Variants in RAPSN observed in about 807,000 individuals in gnomAD.
The protein encoded by RAPSN is 43 kDa receptor-associated protein of the synapse.
Under a neutral mutation model 45.7 loss-of-function variants are expected in RAPSN, and 33 were observed. The observed-to-expected ratio is 0.72, with a 90% CI of 0.55 to 0.97. The LOEUF is 0.97. RAPSN is among the 50% of genes least tolerant of loss of function. RAPSN has a pLI of 0.00. For missense variants in RAPSN, 519 were observed against 559.4 expected, an observed-to-expected ratio of 0.93 and a Z score of 0.73; for synonymous variants, 244 against 233.6, an observed-to-expected ratio of 1.04 and a Z score of -0.40.
Position 47,438,750 on chromosome 11 carries a change from G to T in RAPSN, c.1148C>A (p.Ser383Tyr). Reference protein sequence around the residue: ...KNSRLQALPCSHIFHLRCLQN... With the variant: ...KNSRLQALPCYHIFHLRCLQN... ...CCCCCACCTGAGGTGGAAGATGTGG[G>T]AGCAAGGTAGGGCCTGCAGCCGGCT... Residue 383 changes from serine (S) to tyrosine (Y), a missense_variant, in exon 7 of 8, where the codon TCC (serine) becomes TAC (tyrosine). By Grantham distance (144) the Ser-to-Tyr change is moderately radical. Transcript: ENST00000298854. 6.4e-7 allele frequency: 1 copy of T among 1,563,686 alleles called. No homozygotes were observed. The highest frequency in any genetic ancestry group is 8.7e-7 in the Non-Finnish European group (1 of 1,151,032).
chr11:47,446,191 T>C (rs1379958890), intron 2 of RAPSN, among the ~76,000 whole-genome samples: 1 of 150,632 alleles, frequency 6.6e-6, no homozygotes, highest in Non-Finnish European at 1.5e-5. Flanking sequence ...CCTCTCAAAG[T>C]GCTCAGATTA....
intron 2 of RAPSN, among the ~76,000 whole-genome samples, chr11:47,447,229 C>T (rs990268871): frequency 3.9e-5 from 6 of 152,142 alleles, no homozygotes; most frequent in Non-Finnish European, 8.8e-5. Flanking sequence ...GAAATTATGA[C>T]ACCCCCACGC....
At chr11:47,448,173 G>A in intron 1 of RAPSN, 23 bp from the exon 2 acceptor site, 1 of 1,604,184 alleles carries the variant, frequency 6.2e-7, no homozygotes, top group East Asian at 2.2e-5. Context: ...ACGGTGGGCA[G>A]GTGGTGCTCA....
Position 47,438,912 on chromosome 11 carries a change from T to C in RAPSN, c.986A>G (p.His329Arg), listed in dbSNP as rs371178161. The part of the protein sequence containing the change: ...VGNKLSQLKL[H>R]CLSESIYRSK... ...GCGGTAAATGCTCTCGCTCAGACAG[T>C]GCAGCTTGAGCTGGCTCAGCTGGGG... Residue 329 changes from histidine to arginine, a missense_variant, in exon 7 of 8, where the codon CAC becomes CGC. His to Arg is a conservative substitution (Grantham distance 29, BLOSUM62 0). Coordinates refer to ENST00000298854, the MANE Select transcript of RAPSN (RefSeq NM_005055.5). 1.3e-6 allele frequency: 2 copies of C among 1,559,888 alleles called. No homozygotes were observed. The highest frequency in any genetic ancestry group is 2.7e-5 in the African/African-American group (2 of 73,776).
chr11:47,438,198 C>T, intron 7 of RAPSN, 151 bp from the exon 8 acceptor site: 3 of 943,876 alleles, frequency 3.2e-6, no homozygotes, highest in East Asian at 2.6e-5. Context: ...TCCCCCCAGG[C>T]TCCCACTGCA....
intron 2 of RAPSN, among the ~76,000 whole-genome samples, chr11:47,446,224 A>G (rs1461768278): frequency 7.3e-6 from 1 of 136,210 alleles, no homozygotes; most frequent in Non-Finnish European, 1.6e-5. Context: ...TTGCCAAATT[A>G]AAAAAAAAAA....
intron 3 of RAPSN, 119 bp downstream of exon 3, chr11:47,442,537 G>C (rs1010732734): frequency 8.4e-7 from 1 of 1,187,088 alleles, no homozygotes; most frequent in African/African-American, 1.5e-5. Flanking sequence ...CTGGGCCAGA[G>C]GCAAGCCCTA....
chr11:47,448,140 AC>A lies in RAPSN; in HGVS notation c.202del (p.Val68SerfsTer20), dbSNP rs2076425312. 6.2e-7 allele frequency: 1 copy of A among 1,611,248 alleles called. No homozygotes were observed. ...RYKEMLKFAV[V>X]QIDTARELED... ...CAGCTCCCGGGCCGTGTCGATCTGG[AC>A]CACAGCGAACTGCACACAGCGACGG... On this transcript the variant is annotated frameshift_variant, in exon 2 of 8. Transcript: ENST00000298854. LOFTEE classifies it high-confidence loss of function.
chr11:47,441,345 A>G (rs1021486046), intron 5 of RAPSN, 133 bp from the exon 6 acceptor site: 4 of 1,289,904 alleles, frequency 3.1e-6, no homozygotes, highest in Non-Finnish European at 4.4e-6. Flanking sequence ...GGCAGCAGGA[A>G]GAGACTAGGG....
chr11:47,442,680 C>T lies in RAPSN; in HGVS notation c.666G>A (p.Leu222=). Residue 222 remains leucine, a synonymous_variant, in exon 3 of 8, where the codon CTG becomes CTA. Transcript: ENST00000298854. ...MAVAYRLLGR[L]GSAMECCEES... Reference sequence around the variant, plus strand: ...CCTCACAACACTCCATGGCACTGCCCAGGCGGCCCAGCAGGCGATAGGCCA... The same window carrying T: ...CCTCACAACACTCCATGGCACTGCCTAGGCGGCCCAGCAGGCGATAGGCCA... The T allele has an allele frequency of 1.9e-6, 3 of 1,614,218 alleles. No homozygotes were observed. The highest frequency in any genetic ancestry group is 2.5e-6 in the Non-Finnish European group (3 of 1,180,034).
chr11:47,444,620 A>AG (rs2076390140), intron 2 of RAPSN, among the ~76,000 whole-genome samples: 3 of 152,014 alleles, frequency 2.0e-5, no homozygotes. Context: ...GCACTTTGGG[A>AG]GGCCAAGATG....
In RAPSN at chr11:47,448,056, A is replaced by G. The variant is rs2076424038; in HGVS notation, c.287T>C (p.Leu96Pro). 2.5e-6 allele frequency: 4 copies of G among 1,614,030 alleles called. No homozygotes were observed. The highest frequency in any genetic ancestry group is 3.4e-6 in the Non-Finnish European group (4 of 1,180,002). Residue 96 changes from leucine to proline, a missense_variant, in exon 2 of 8, where the codon CTG (leucine) becomes CCG (proline). Physicochemically the swap from Leu to Pro is moderately conservative, Grantham distance 98. Coordinates refer to ENST00000298854, the MANE Select transcript of RAPSN (RefSeq NM_005055.5). ...GGAGATGGTCTTGTGAAACTCGCACAGCTTCTCGTTGCTGCGTGCCAGGTT... is the reference window on the plus strand; with the variant it reads ...GGAGATGGTCTTGTGAAACTCGCACGGCTTCTCGTTGCTGCGTGCCAGGTT... Reference protein sequence around the residue: ...YLNLARSNEKLCEFHKTISYC... With the variant: ...YLNLARSNEKPCEFHKTISYC...
Position 47,448,147 on chromosome 11 carries a change from C to T in RAPSN, c.196G>A (p.Ala66Thr), listed in dbSNP as rs145197671. The change falls in exon 2 of 8, where the codon GCT becomes ACT. Residue 66 changes from alanine (A) to threonine (T), a missense_variant. Coordinates refer to ENST00000298854, the MANE Select transcript of RAPSN (RefSeq NM_005055.5). ...CGGGCCGTGTCGATCTGGACCACAG[C>T]GAACTGCACACAGCGACGGTGGGCA... ...MGRYKEMLKF[A>T]VVQIDTAREL... The T allele has an allele frequency of 4.1e-5, 66 of 1,610,806 alleles. No individual in the cohort carries two copies. The highest frequency in any genetic ancestry group is 6.7e-5 in the Admixed American group (4 of 60,024).
chr11:47,438,152 G>C, intron 7 of RAPSN, 105 bp from the exon 8 acceptor site: 2 of 1,327,458 alleles, frequency 1.5e-6, no homozygotes, highest in Non-Finnish European at 2.1e-6. Flanking sequence ...ATGCATCCTG[G>C]TGGCTGTTCA....
intron 7 of RAPSN, 141 bp from the exon 8 acceptor site, chr11:47,438,188 T>C (rs1298852163): frequency 5.8e-6 from 6 of 1,036,014 alleles, no homozygotes; most frequent in Admixed American, 2.0e-5. Flanking sequence ...AAGGGAACGG[T>C]CCCCCCAGGC....
At position 47,438,787 on chromosome 11, in the gene RAPSN, C is replaced by A; in HGVS notation, c.1111G>T (p.Gly371Cys). The A allele has an allele frequency of 6.4e-7, 1 of 1,572,414 alleles. No homozygotes were observed. The highest frequency in any genetic ancestry group is 8.6e-7 in the Non-Finnish European group (1 of 1,156,406). Residue 371 changes from glycine to cysteine, a missense_variant, in exon 7 of 8, where the codon GGC becomes TGC. Transcript: ENST00000298854. ...LYCGLCGESI[G>C]EKNSRLQALP... ...GCCTGCAGCCGGCTGTTCTTCTCGC[C>A]TATGGACTCGCCGCACAGGCCGCAG... is the stretch of plus-strand genomic sequence containing the variant.
At chr11:47,439,388 C>T (rs984848459) in intron 6 of RAPSN, among the ~76,000 whole-genome samples, 5 of 152,140 alleles carry the variant, frequency 3.3e-5, no homozygotes, top group African/African-American at 7.2e-5. Context: ...GCAGGAGAAT[C>T]GCTTGAACCC....
intron 2 of RAPSN, among the ~76,000 whole-genome samples, chr11:47,445,540 G>A (rs1203568308): frequency 1.5e-5 from 2 of 137,012 alleles, no homozygotes; most frequent in Non-Finnish European, 3.1e-5. Flanking sequence ...AAGTGGCAGT[G>A]AGCCGAGATC....
In RAPSN at chr11:47,438,842, G is replaced by T. The variant is rs1413823069; in HGVS notation, c.1056C>A (p.Phe352Leu). ...QRELRAHVVR[F>L]HECVEETELY... Reference sequence around the variant, plus strand: ...GCTCCGTCTCCTCCACGCACTCGTGGAACCTCACAACGTGCGCCCGCAGTT... The same window carrying T: ...GCTCCGTCTCCTCCACGCACTCGTGTAACCTCACAACGTGCGCCCGCAGTT... Residue 352 changes from phenylalanine to leucine, a missense_variant, in exon 7 of 8, where the codon TTC (phenylalanine) becomes TTA (leucine). Physicochemically the swap from Phe to Leu is conservative, Grantham distance 22. Transcript: ENST00000298854. 1 of 1,573,726 alleles carries T rather than the reference G, an allele frequency of 6.4e-7. No individual in the cohort carries two copies. Among genetic ancestry groups the T allele is most frequent in the Non-Finnish European group, 8.6e-7 (1 of 1,158,848 alleles).
Sources: gnomAD v4.1 joint callset for allele counts (sites outside exome capture counted in the v4.1 genomes callset) on GRCh38, gnomAD v4.1.1 for gene constraint, MANE v1.5 for transcripts, NCBI Gene and HGNC (gene_info 2026-07-23, HGNC 2026-07-21) for gene names.